The following NCAM1 variants were observed in gnomAD, a reference collection of about 807,000 sequenced individuals.
The protein encoded by NCAM1 is antigen recognized by monoclonal antibody 5.1H11.
A neutral mutation model predicts 109.8 loss-of-function variants in NCAM1; 14 were observed. The ratio of observed to expected loss-of-function variants is 0.13; its 90% CI spans 0.08 to 0.20. NCAM1 has a LOEUF of 0.20. Ranked by LOEUF, NCAM1 falls within the 10% of genes least tolerant of loss-of-function variation. NCAM1 has a pLI of 1.00. For missense variants in NCAM1, 774 were observed against 1,109.9 expected (o/e 0.70, Z 4.30); for synonymous variants, 418 against 442.9 (o/e 0.94, Z 0.70).
chr11:113,115,728 C>G (rs1386588058), intron 1 of NCAM1, among the ~76,000 whole-genome samples: 1 of 152,186 alleles, frequency 6.6e-6, no homozygotes, highest in African/African-American at 2.4e-5. Flanking sequence ...CTGAAGGAGG[C>G]TTTATTTACA....
chr11:113,210,179 C>T (rs1394516777), intron 7 of NCAM1, among the ~76,000 whole-genome samples: 1 of 152,178 alleles, frequency 6.6e-6, no homozygotes, highest in Non-Finnish European at 1.5e-5. Context: ...TTATTTTAGA[C>T]TTTAACTCCA....
Position 113,002,462 on chromosome 11 carries a change from A to G in NCAM1, c.52+40798A>G, listed in dbSNP as rs138359268. ...TAAAATATTAAAAATTAGGCTATTT[A>G]TTAAGCTTGTAGTACCTTTTTACAA... On this transcript the variant is annotated intron_variant, in intron 1 of 19. Transcript: ENST00000316851. Among the ~76,000 whole-genome samples, 32 of 152,372 alleles carry G rather than the reference A, an allele frequency of 2.1e-4. No homozygotes were observed. In the East Asian group the frequency reaches 6.0e-3, roughly 28 times the overall value.
At chr11:113,075,660 G>C (rs1244924304) in intron 1 of NCAM1, among the ~76,000 whole-genome samples, 1 of 152,162 alleles carries the variant, frequency 6.6e-6, no homozygotes, top group African/African-American at 2.4e-5. Context: ...GATAGGCCAA[G>C]GAAGCCAGGA....
At chr11:113,246,300 G>T in intron 14 of NCAM1, 68 bp from the exon 15 acceptor site, 1 of 714,504 alleles carries the variant, frequency 1.4e-6, no homozygotes. Context: ...TATCATGTGC[G>T]TGCGTATCAT....
At chr11:113,251,423 T>C (rs1945673099) in intron 15 of NCAM1, among the ~76,000 whole-genome samples, 2 of 152,154 alleles carry the variant, frequency 1.3e-5, no homozygotes, top group Admixed American at 1.3e-4. Flanking sequence ...TACATTTCAA[T>C]TATGGTTTCT....
chr11:113,159,533 A>G (rs1346989000), intron 1 of NCAM1, among the ~76,000 whole-genome samples: 1 of 152,196 alleles, frequency 6.6e-6, no homozygotes, highest in Non-Finnish European at 1.5e-5. Flanking sequence ...AAGAAAATGA[A>G]GTCTGTGGTG....
intron 1 of NCAM1, among the ~76,000 whole-genome samples, chr11:113,144,119 C>T (rs550543052): frequency 1.1e-4 from 16 of 152,282 alleles, no homozygotes; most frequent in Middle Eastern, 3.4e-3. Context: ...AGTCACTAGC[C>T]TGCCAGTAGT....
At chr11:113,071,887 G>C (rs1555085339) in intron 1 of NCAM1, among the ~76,000 whole-genome samples, 1 of 152,162 alleles carries the variant, frequency 6.6e-6, no homozygotes, top group African/African-American at 2.4e-5. Context: ...GCTCACACCT[G>C]TAATTCCAGC....
chr11:113,235,349 C>A, intron 14 of NCAM1, 185 bp downstream of exon 14: 1 of 1,275,100 alleles, frequency 7.8e-7, no homozygotes, highest in Non-Finnish European at 1.1e-6. Flanking sequence ...ACAGTCCCTT[C>A]ATTCTCTCTT....
rs1263045408 is a variant in NCAM1 at position 112,963,015 on chromosome 11, G to A, written c.52+1351G>A. On this transcript the variant is annotated intron_variant, in intron 1 of 19. Coordinates refer to ENST00000316851, the MANE Select transcript of NCAM1 (RefSeq NM_181351.5). The surrounding 1 kb of genome is among the most constrained non-coding windows in gnomAD (Gnocchi z 4.6). ...GGGCGGGCCAGGGAGCACCCAGTGCGCCCCCTCCGCGGGCGGCACAAGAGC... is the reference window on the plus strand; with the variant it reads ...GGGCGGGCCAGGGAGCACCCAGTGCACCCCCTCCGCGGGCGGCACAAGAGC... 6.6e-6 allele frequency among the ~76,000 whole-genome samples: 1 copy of A among 152,078 alleles called. No homozygotes were observed. The highest frequency in any genetic ancestry group is 2.4e-5 in the African/African-American group (1 of 41,444).
At chr11:113,257,117 G>T (rs374860349) in intron 16 of NCAM1, among the ~76,000 whole-genome samples, 8 of 152,206 alleles carry the variant, frequency 5.3e-5, no homozygotes, top group African/African-American at 1.7e-4. Flanking sequence ...GCCTGTCACT[G>T]CCCTGAGGCC....
chr11:113,122,773 A>T (rs925955134), intron 1 of NCAM1, among the ~76,000 whole-genome samples: 3 of 152,164 alleles, frequency 2.0e-5, no homozygotes, highest in Non-Finnish European at 4.4e-5. Context: ...AACAAGAGCG[A>T]AACTCCGTCT....
intron 15 of NCAM1, among the ~76,000 whole-genome samples, chr11:113,252,602 G>A (rs549785833): frequency 3.3e-5 from 5 of 151,750 alleles, no homozygotes; most frequent in South Asian, 2.1e-4. Context: ...TGAATAAATC[G>A]TAGGTAAAGC....
At chr11:113,231,895 T>G in intron 10 of NCAM1, 100 bp downstream of exon 10, 1 of 1,475,630 alleles carries the variant, frequency 6.8e-7, no homozygotes, top group Non-Finnish European at 9.3e-7. Context: ...ACCCTGTGTG[T>G]TCTGCTTACG....
rs111648733 is a variant in NCAM1, at chr11:113,264,811, A to G, written c.2131+4488A>G. 2.4e-4 allele frequency: 241 copies of G among 985,478 alleles called. 1 individual carries two copies. The African/African-American group carries it at 3.6e-3, about 15-fold the overall frequency. 61.0% of individuals were successfully genotyped at this position (985,478 alleles called of 1,614,324 possible). ...CAATGTCAGGGTCCTCAAGGGTCCC[A>G]TTTAGACAGACCCACGGCTTGTAAC... On this transcript the variant is annotated intron_variant, in intron 17 of 19. Coordinates refer to ENST00000316851, the MANE Select transcript of NCAM1 (RefSeq NM_181351.5).
chr11:113,272,802 T>TGCCC lies in NCAM1; in HGVS notation c.2456+927_2456+928insCCCG. On this transcript the variant is annotated intron_variant, in intron 19 of 19. Coordinates refer to ENST00000316851, the MANE Select transcript of NCAM1 (RefSeq NM_181351.5). The stretch of plus-strand genomic sequence containing the variant: ...GCATCCTTCTCTCTCTGTGGGCCTG[T>TGCCC]GTCCGTGCCTGTGCCTAACTGCATG... 9.9e-6 allele frequency: 4 copies of TGCCC among 405,952 alleles called. No homozygotes were observed. In the Admixed American group the frequency reaches 1.0e-4, roughly 11 times the overall value. 25.1% of individuals were successfully genotyped at this position (405,952 alleles called of 1,614,324 possible).
intron 16 of NCAM1, among the ~76,000 whole-genome samples, chr11:113,259,059 T>TG (rs1474431302): frequency 6.6e-6 from 1 of 151,080 alleles, no homozygotes; most frequent in African/African-American, 2.4e-5. Context: ...CATTTTTTTT[T>TG]TTTTTTTTTT....
chr11:113,236,425 A>G (rs1420994438), intron 14 of NCAM1: 3 of 1,220,812 alleles, frequency 2.5e-6, no homozygotes, highest in Middle Eastern at 1.9e-4. Flanking sequence ...GCTGAAGTAG[A>G]TGATATTGTC....
chr11:113,015,803 G>C (rs1952193044), intron 1 of NCAM1, among the ~76,000 whole-genome samples: 1 of 152,240 alleles, frequency 6.6e-6, no homozygotes, highest in Non-Finnish European at 1.5e-5. Flanking sequence ...CTAAGATCTA[G>C]ATATATAACC....
Sources: gnomAD v4.1 joint callset for allele counts (sites outside exome capture counted in the v4.1 genomes callset) on GRCh38, gnomAD v4.1.1 for gene constraint, Gnocchi (gnomAD v3.1) non-coding constraint, MANE v1.5 for transcripts, NCBI Gene and HGNC (gene_info 2026-07-23, HGNC 2026-07-21) for gene names.